Variants in FGF12 observed in about 807,000 individuals in gnomAD.
FGF12 encodes fibroblast growth factor 12B.
Under a neutral mutation model 23.6 loss-of-function variants are expected in FGF12, and 14 were observed. The observed-to-expected ratio is 0.59, with a 90% confidence interval of 0.39 to 0.93. FGF12 has a LOEUF of 0.93. Among genes scored for constraint, FGF12 ranks in the 40% least tolerant of loss-of-function variants. The pLI is 0.00. For synonymous variants in FGF12, 62 were observed against 77.3 expected, an observed-to-expected ratio of 0.80 and a Z score of 1.04; for missense variants, 175 against 217.8, an observed-to-expected ratio of 0.80 and a Z score of 1.24.
chr3:192,354,097 C>T (rs969079932), intron 3 of FGF12, among the ~76,000 whole-genome samples: 5 of 152,120 alleles, frequency 3.3e-5, no homozygotes, highest in Admixed American at 6.5e-5. Flanking sequence ...GAAAACATAA[C>T]GAGTGACTAA....
chr3:192,656,401 C>T (rs1472912496), intron 2 of FGF12, among the ~76,000 whole-genome samples: 1 of 152,016 alleles, frequency 6.6e-6, no homozygotes, highest in Non-Finnish European at 1.5e-5. Context: ...ACACACTCAG[C>T]ATTCACTTGT....
intron 4 of FGF12, among the ~76,000 whole-genome samples, chr3:192,198,625 A>G (rs573866383): frequency 6.6e-6 from 1 of 152,346 alleles, no homozygotes; most frequent in Admixed American, 6.5e-5. Flanking sequence ...GAAAGATTTC[A>G]TGAAAATTAA....
chr3:192,335,398 T>C lies in FGF12; in HGVS notation c.191A>G (p.Tyr64Cys), dbSNP rs779214206. The C allele has an allele frequency of 6.2e-7, 1 of 1,612,988 alleles. No homozygotes were observed. Among genetic ancestry groups the C allele is most frequent in the Non-Finnish European group, 8.5e-7 (1 of 1,179,290 alleles). ...VAIQGVKASL[Y>C]VAMNGEGYLY... The stretch of plus-strand genomic sequence containing the variant: ...ATAGCCTTCACCATTCATGGCCACA[T>C]AGAGGCTAGCCTTCACTCCTTGGAT... The change falls in exon 4 of 6, where the codon TAT becomes TGT. Residue 64 changes from tyrosine to cysteine, a missense_variant. Tyr to Cys is a radical substitution (Grantham distance 194). Transcript: ENST00000445105.
At chr3:192,620,740 T>C (rs912030362) in intron 2 of FGF12, among the ~76,000 whole-genome samples, 1 of 152,166 alleles carries the variant, frequency 6.6e-6, no homozygotes, top group African/African-American at 2.4e-5. Flanking sequence ...AACTGTCATG[T>C]ACCCAGCTGT....
chr3:192,259,558 C>T (rs1432119129), intron 4 of FGF12, among the ~76,000 whole-genome samples: 1 of 152,052 alleles, frequency 6.6e-6, no homozygotes, highest in Non-Finnish European at 1.5e-5. Flanking sequence ...TATAAATATT[C>T]ATGGCAATAA....
At chr3:192,591,762 T>C (rs534950232) in intron 2 of FGF12, among the ~76,000 whole-genome samples, 1 of 152,014 alleles carries the variant, frequency 6.6e-6, no homozygotes, top group South Asian at 2.1e-4. Flanking sequence ...TGTTTAGAAT[T>C]AAAGGAACTG....
At chr3:192,424,096 A>G (rs1576971728) in intron 2 of FGF12, among the ~76,000 whole-genome samples, 1 of 151,830 alleles carries the variant, frequency 6.6e-6, no homozygotes, top group East Asian at 1.9e-4. Context: ...CAAAAAAAAA[A>G]AGACTATTAA....
intron 2 of FGF12, among the ~76,000 whole-genome samples, chr3:192,465,796 G>A (rs1279725458): frequency 2.6e-5 from 4 of 152,034 alleles, no homozygotes; most frequent in East Asian, 1.9e-4. Flanking sequence ...ATGTTACTGC[G>A]TTTTTTTGCT....
intron 2 of FGF12, among the ~76,000 whole-genome samples, chr3:192,716,743 C>T (rs1440810066): frequency 6.6e-6 from 1 of 152,134 alleles, no homozygotes; most frequent in Non-Finnish European, 1.5e-5. Context: ...ATATTTTCCT[C>T]GTTTGTCTCA....
At chr3:192,268,250 A>C (rs767617131) in intron 4 of FGF12, among the ~76,000 whole-genome samples, 1 of 152,102 alleles carries the variant, frequency 6.6e-6, no homozygotes, top group East Asian at 1.9e-4. Flanking sequence ...TGCTGCTTCC[A>C]ATTTTCCACG....
rs147053133 is a variant in FGF12 at position 192,486,032 on chromosome 3, C to T, written c.14-125494G>A. On this transcript the variant is annotated intron_variant, in intron 2 of 5. Transcript: ENST00000445105. ...AGTTGACAGTGGATGGCCATTAATA[C>T]GGTTTTTCATTATAAAAAGTGAGTC... 7.3e-3 allele frequency among the ~76,000 whole-genome samples: 1,117 copies of T among 152,132 alleles called. 18 individuals carry two copies. Among genetic ancestry groups the T allele is most frequent in the African/African-American group, 0.025 (1,051 of 41,498 alleles).
At chr3:192,605,162 A>G (rs7614365) in intron 2 of FGF12, among the ~76,000 whole-genome samples, 23,438 of 151,954 alleles carry the variant, frequency 0.15, 1,808 homozygotes, top group Middle Eastern at 0.19. Flanking sequence ...GCGGATCATC[A>G]GGTCAGGAGA....
At chr3:192,575,500 AGAGGAG>A (rs1196383148) in intron 2 of FGF12, among the ~76,000 whole-genome samples, 1 of 152,094 alleles carries the variant, frequency 6.6e-6, no homozygotes, top group South Asian at 2.1e-4. Flanking sequence ...TGGAGGAGGA[AGAGGAG>A]GAGGAGGAGA....
chr3:192,401,536 A>G (rs1196293632), intron 2 of FGF12, among the ~76,000 whole-genome samples: 1 of 152,210 alleles, frequency 6.6e-6, no homozygotes. Context: ...TACTTTGAGA[A>G]CTGCTGGTCC....
At chr3:192,509,299 C>A (rs1237961036) in intron 2 of FGF12, among the ~76,000 whole-genome samples, 2 of 152,188 alleles carry the variant, frequency 1.3e-5, no homozygotes, top group African/African-American at 4.8e-5. Flanking sequence ...CAGATGGGAG[C>A]ATTGAGCCTA....
chr3:192,312,124 A>C (rs1006829979), intron 4 of FGF12, among the ~76,000 whole-genome samples: 5 of 151,778 alleles, frequency 3.3e-5, no homozygotes, highest in African/African-American at 1.2e-4. Context: ...TTGATTTTTC[A>C]CTTGATTGTG....
At chr3:192,550,740 G>T (rs1725613080) in intron 2 of FGF12, among the ~76,000 whole-genome samples, 1 of 152,002 alleles carries the variant, frequency 6.6e-6, no homozygotes, top group Non-Finnish European at 1.5e-5. Context: ...GAAAATTTCT[G>T]ATACATAACC....
rs535129099 is a variant in FGF12, at chr3:192,618,119, A to G, written c.13+109062T>C. On this transcript the variant is annotated intron_variant, in intron 2 of 5. Transcript: ENST00000445105. ...CAAGATGAACATAAGCAACCCTTAC[A>G]GGAATGGTAGAGGGCTTGTTGAAGT... Among the ~76,000 whole-genome samples the G allele has an allele frequency of 2.6e-5, 4 of 152,228 alleles. No individual in the cohort carries two copies. The East Asian group carries it at 7.7e-4, about 29-fold the overall frequency.
chr3:192,461,712 G>A (rs1003336404), intron 2 of FGF12, among the ~76,000 whole-genome samples: 1 of 152,126 alleles, frequency 6.6e-6, no homozygotes, highest in Non-Finnish European at 1.5e-5. Flanking sequence ...TACTTGGCCA[G>A]GCACGGTGGC....
Sources: gnomAD v4.1 joint callset for allele counts (sites outside exome capture counted in the v4.1 genomes callset) on GRCh38, gnomAD v4.1.1 for gene constraint, MANE v1.5 for transcripts, NCBI Gene and HGNC (gene_info 2026-07-23, HGNC 2026-07-21) for gene names.